Variants in CAST observed in about 807,000 individuals in gnomAD.
CAST encodes calpastatin.
Under a neutral mutation model 119.6 loss-of-function variants are expected in CAST, and 76 were observed. The observed-to-expected ratio is 0.64, with a 90% CI of 0.53 to 0.77. CAST has a LOEUF of 0.77. Among genes scored for constraint, CAST ranks in the 30% least tolerant of loss-of-function variants. The pLI is 0.00. For missense variants in CAST, 953 were observed against 946.5 expected (o/e 1.01, Z -0.09); for synonymous variants, 319 against 331.6 (o/e 0.96, Z 0.41).
the CAST span, among the ~76,000 whole-genome samples, chr5:96,480,473 G>A: frequency 2.6e-5 from 4 of 152,156 alleles, no homozygotes; most frequent in African/African-American, 4.8e-5. Context: ...ATGTCTTGTA[G>A]ACCATTGTCT....
chr5:96,388,139 G>A, the CAST span, among the ~76,000 whole-genome samples: 13 of 152,360 alleles, frequency 8.5e-5, 1 homozygote, highest in South Asian at 4.1e-4. Context: ...GAGAGAACCG[G>A]TATAGAAACC....
At chr5:96,271,955 C>T in the CAST span, among the ~76,000 whole-genome samples, 341 of 152,066 alleles carry the variant, frequency 2.2e-3, 6 homozygotes, top group African/African-American at 7.6e-3. Flanking sequence ...ACAAGAGATC[C>T]GAATAGACAT....
chr5:96,104,360 G>A, the CAST span, among the ~76,000 whole-genome samples: 22 of 150,268 alleles, frequency 1.5e-4, no homozygotes, highest in South Asian at 1.7e-3. Context: ...GGGTTTTTAT[G>A]GTTTTAGGTC....
At chr5:96,618,354 T>C (rs1446424186) in intron 1 of CAST, among the ~76,000 whole-genome samples, 1 of 152,216 alleles carries the variant, frequency 6.6e-6, no homozygotes, top group Non-Finnish European at 1.5e-5. Flanking sequence ...TGTGACAACG[T>C]GCTAGCAGCC....
Position 96,757,583 on chromosome 5 carries a change from C to G in CAST, c.1762C>G (p.Pro588Ala), listed in dbSNP as rs978546710. 4.3e-6 allele frequency: 7 copies of G among 1,613,202 alleles called. No individual in the cohort carries two copies. The highest frequency in any genetic ancestry group is 2.7e-5 in the African/African-American group (2 of 74,900). Residue 588 changes from proline (P) to alanine (A), a missense_variant and splice_region_variant, in exon 24 of 32, where the codon CCC becomes GCC. Coordinates refer to ENST00000675179, the MANE Select transcript of CAST (RefSeq NM_001750.7). ...LPKESKEQLP[P>A]MSEDFLLDAL... is the part of the protein sequence containing the mutation. The stretch of plus-strand genomic sequence containing the variant: ...TTGATACATTTCCTGGTTCTTGCAG[C>G]CCATGAGTGAAGACTTCCTTCTGGA...
At chr5:96,134,503 G>T in the CAST span, among the ~76,000 whole-genome samples, 1 of 152,208 alleles carries the variant, frequency 6.6e-6, no homozygotes, top group African/African-American at 2.4e-5. Context: ...GGCCTTTAGG[G>T]CGACCCAAGG....
chr5:96,072,583 A>G, the CAST span, among the ~76,000 whole-genome samples: 1 of 152,204 alleles, frequency 6.6e-6, no homozygotes, highest in African/African-American at 2.4e-5. Context: ...ATTTTCATAG[A>G]AAAAAAGTCC....
At chr5:96,513,733 T>A in the CAST span, among the ~76,000 whole-genome samples, 1 of 152,226 alleles carries the variant, frequency 6.6e-6, no homozygotes, top group South Asian at 2.1e-4. Flanking sequence ...AAGTCCTGAT[T>A]TTTTTGAAAA....
At chr5:96,103,599 A>C in the CAST span, among the ~76,000 whole-genome samples, 3 of 151,484 alleles carry the variant, frequency 2.0e-5, no homozygotes, top group South Asian at 2.1e-4. Flanking sequence ...CCAGTCTATC[A>C]TTGTTGGACA....
chr5:96,038,723 AG>A, the CAST span, among the ~76,000 whole-genome samples: 3 of 152,158 alleles, frequency 2.0e-5, no homozygotes, highest in African/African-American at 4.8e-5. Flanking sequence ...ATGGCTGCAT[AG>A]TATGCCATGG....
the CAST span, among the ~76,000 whole-genome samples, chr5:96,059,217 G>A: frequency 3.9e-5 from 6 of 151,998 alleles, no homozygotes; most frequent in East Asian, 1.9e-4. Context: ...ACCAGGTTAC[G>A]GAAGTGTGAG....
At chr5:96,213,121 AAAT>A in the CAST span, among the ~76,000 whole-genome samples, 9,832 of 151,928 alleles carry the variant, frequency 0.065, 511 homozygotes, top group East Asian at 0.21. Context: ...GCTATCTCTA[AAAT>A]AATAATAATA....
the CAST span, among the ~76,000 whole-genome samples, chr5:96,083,680 A>C: frequency 4.5e-4 from 68 of 152,352 alleles, 2 homozygotes; most frequent in South Asian, 0.012. Context: ...ATGGTGTTTA[A>C]GAAAGTAGGA....
chr5:96,365,556 T>G, the CAST span, among the ~76,000 whole-genome samples: 7 of 152,248 alleles, frequency 4.6e-5, no homozygotes, highest in Non-Finnish European at 1.0e-4. Context: ...TCTTGTTCAA[T>G]TGATCCCTTT....
the CAST span, among the ~76,000 whole-genome samples, chr5:96,383,272 G>A: frequency 1.3e-5 from 2 of 152,130 alleles, no homozygotes; most frequent in Admixed American, 1.3e-4. Flanking sequence ...AGCATTTCTA[G>A]CAGAATACCA....
the CAST span, among the ~76,000 whole-genome samples, chr5:96,389,311 G>A: frequency 6.6e-6 from 1 of 152,112 alleles, no homozygotes; most frequent in Non-Finnish European, 1.5e-5. Context: ...TAATTTGCTT[G>A]ACTGTAATCA....
intron 1 of CAST, among the ~76,000 whole-genome samples, chr5:96,561,786 G>GGTTTTTTTTTTTTTTTTTTT (rs1189100090): frequency 9.5e-6 from 1 of 105,430 alleles, no homozygotes; most frequent in African/African-American, 3.5e-5. Context: ...TTATATATAT[G>GGTTTTTTTTTTTTTTTTTTT]TTTTTTTTTG....
chr5:96,643,673 G>A (rs1297873982), intron 1 of CAST, among the ~76,000 whole-genome samples: 5 of 152,138 alleles, frequency 3.3e-5, no homozygotes, highest in Non-Finnish European at 4.4e-5. Context: ...AGGAGATGGA[G>A]ACCAACCTGG....
At chr5:96,017,326 AG>A in the CAST span, among the ~76,000 whole-genome samples, 1 of 152,222 alleles carries the variant, frequency 6.6e-6, no homozygotes, top group African/African-American at 2.4e-5. Context: ...TTAAGGGACA[AG>A]TCCCAAAAGA....
Sources: allele counts gnomAD v4.1 joint callset (sites outside exome capture counted in the v4.1 genomes callset), GRCh38; gene constraint gnomAD v4.1.1; transcripts MANE v1.5; gene names NCBI Gene and HGNC (gene_info 2026-07-23, HGNC 2026-07-21).